Variants in COL7A1 observed in about 807,000 individuals in gnomAD.
The protein encoded by COL7A1 is collagen type VII alpha 1 chain, also known as collagen alpha-1(VII) chain.
A neutral mutation model predicts 456.2 loss-of-function variants in COL7A1; 296 were observed. That is an observed-to-expected ratio of 0.65 (90% CI 0.59 to 0.71). The LOEUF is 0.71. COL7A1 is among the 30% of genes least tolerant of loss of function. COL7A1 has a pLI of 0.00. For synonymous variants in COL7A1, 1,464 were observed against 1,525.9 expected, an observed-to-expected ratio of 0.96 and a Z score of 0.95; for missense variants, 3,441 against 4,017.2, an observed-to-expected ratio of 0.86 and a Z score of 3.88.
In COL7A1 at chr3:48,572,624, A is replaced by C. The variant is rs1262348761; in HGVS notation, c.6900+47T>G. On this transcript the variant is annotated intron_variant, in intron 88 of 118. Transcript: ENST00000681320. The surrounding 1 kb of genome is among the most constrained non-coding windows in gnomAD (Gnocchi z 4.6). ...GCATTTGGAAACAGGCTTGTGGGTG[A>C]GGCAGAGGAGTTGCTGCAGGGGGTG... 2.2e-6 allele frequency: 3 copies of C among 1,393,298 alleles called. No individual in the cohort carries two copies. Among genetic ancestry groups the C allele is most frequent in the Admixed American group, 1.9e-5 (1 of 51,810 alleles). 86.3% of individuals were successfully genotyped at this position (1,393,298 alleles called of 1,614,324 possible).
rs2107629009 is a variant in COL7A1 at position 48,565,791 on chromosome 3, CAGGAG to C, written c.8408-128_8408-124del. On this transcript the variant is annotated intron_variant, in intron 114 of 118. Coordinates refer to ENST00000681320, the MANE Select transcript of COL7A1 (RefSeq NM_000094.4). This position sits in a 1 kb window ranked among gnomAD's most constrained non-coding sequence, Gnocchi z 4.5. ...ACAAAGAGATAGCAGGAGAGGGTAA[CAGGAG>C]AGAGAGGAAGAGAGAGGGTGGGAGG... 5.3e-6 allele frequency: 5 copies of C among 946,166 alleles called. No individual in the cohort carries two copies. Among genetic ancestry groups the C allele is most frequent in the Non-Finnish European group, 8.3e-6 (5 of 599,984 alleles). 58.6% of individuals were successfully genotyped at this position (946,166 alleles called of 1,614,324 possible).
Position 48,565,485 on chromosome 3 carries a change from T to C in COL7A1, c.8452A>G (p.Ser2818Gly), listed in dbSNP as rs2043563308. 6.2e-7 allele frequency: 1 copy of C among 1,613,468 alleles called. No individual in the cohort carries two copies. The highest frequency in any genetic ancestry group is 8.5e-7 in the Non-Finnish European group (1 of 1,179,686). The change falls in exon 116 of 119, where the codon AGT becomes GGT. Residue 2818 changes from serine to glycine, a missense_variant. By Grantham distance (56) the Ser-to-Gly change is moderately conservative. Transcript: ENST00000681320. This position sits in a 1 kb window ranked among gnomAD's most constrained non-coding sequence, Gnocchi z 4.5. ...FIASGSRPLP[S>G]YAADTAGSQL... ...GAGCCGGCAGTGTCTGCAGCATAACTAGGGAGGGGTCCTGGAGCCAAGAGC... is the reference window on the plus strand; with the variant it reads ...GAGCCGGCAGTGTCTGCAGCATAACCAGGGAGGGGTCCTGGAGCCAAGAGC...
chr3:48,582,069 A>T, intron 47 of COL7A1, 126 bp from the exon 48 acceptor site: 1 of 1,408,964 alleles, frequency 7.1e-7, no homozygotes, highest in African/African-American at 1.4e-5. Context: ...GAAGTCACAG[A>T]GTCACCGCTG....
chr3:48,567,372 A>G lies in COL7A1; in HGVS notation c.8047-182T>C. On this transcript the variant is annotated intron_variant, in intron 109 of 118. Transcript: ENST00000681320. This position sits in a 1 kb window ranked among gnomAD's most constrained non-coding sequence, Gnocchi z 4.3. ...ACTATAGCCCCCTGCCCTGATGCAC[A>G]TGCCCCCTCCACCTCCCATGCTTTC... 2.3e-6 allele frequency: 2 copies of G among 869,002 alleles called. No individual in the cohort carries two copies. Among genetic ancestry groups the G allele is most frequent in the Non-Finnish European group, 3.7e-6 (2 of 546,336 alleles). The allele number at this position is 869,002 out of a possible 1,614,324, so 53.8% of individuals were successfully genotyped here.
In COL7A1 at chr3:48,591,395, G is replaced by A; in HGVS notation, c.1636+69C>T. ...CCAGGTGTGGAAGGAGAGGGCTGGA[G>A]GTACACTCAGACCCCTCAGGCTGGA... On this transcript the variant is annotated intron_variant, in intron 13 of 118. Coordinates refer to ENST00000681320, the MANE Select transcript of COL7A1 (RefSeq NM_000094.4). The surrounding 1 kb of genome is among the most constrained non-coding windows in gnomAD (Gnocchi z 7.0). The A allele has an allele frequency of 6.3e-7, 1 of 1,593,236 alleles. No homozygotes were observed. The highest frequency in any genetic ancestry group is 8.6e-7 in the Non-Finnish European group (1 of 1,166,494).
In COL7A1 at chr3:48,586,878, T is replaced by C. The variant is rs1479979979; in HGVS notation, c.3276+94A>G. ...CCTGTGAGAGAGCTGGGAGAATGCCTGAACCTATTGGGTGGTCAGGAGATG... is the reference window on the plus strand; with the variant it reads ...CCTGTGAGAGAGCTGGGAGAATGCCCGAACCTATTGGGTGGTCAGGAGATG... On this transcript the variant is annotated intron_variant, in intron 25 of 118. Coordinates refer to ENST00000681320, the MANE Select transcript of COL7A1 (RefSeq NM_000094.4). This position sits in a 1 kb window ranked among gnomAD's most constrained non-coding sequence, Gnocchi z 5.1. 6.5e-7 allele frequency: 1 copy of C among 1,542,844 alleles called. No homozygotes were observed. The highest frequency in any genetic ancestry group is 8.8e-7 in the Non-Finnish European group (1 of 1,140,774).
rs776158209 is a variant in COL7A1, at chr3:48,591,508, A to C, written c.1592T>G (p.Val531Gly). 32 of 1,613,972 alleles carry C rather than the reference A, an allele frequency of 2.0e-5. No homozygotes were observed. Among genetic ancestry groups the C allele is most frequent in the Non-Finnish European group, 2.7e-5 (32 of 1,179,982 alleles). Residue 531 changes from valine to glycine, a missense_variant, in exon 13 of 119, where the codon GTC (valine) becomes GGC (glycine). Val to Gly is a moderately radical substitution (Grantham distance 109, BLOSUM62 -3). Transcript: ENST00000681320. This position sits in a 1 kb window ranked among gnomAD's most constrained non-coding sequence, Gnocchi z 7.0. Reference sequence around the variant, plus strand: ...GATGCGGTACTGGGTGGCACCAGGGACTGGGCTCCAGGACACTCGCACCCG... The same window carrying C: ...GATGCGGTACTGGGTGGCACCAGGGCCTGGGCTCCAGGACACTCGCACCCG... Reference protein sequence around the residue: ...GQRVRVSWSPVPGATQYRIIV... With the variant: ...GQRVRVSWSPGPGATQYRIIV...
In COL7A1 at chr3:48,573,206, G is replaced by A. The variant is rs1015391349; in HGVS notation, c.6682C>T (p.Leu2228Phe). The change falls in exon 85 of 119, where the codon CTT becomes TTT. Residue 2228 changes from leucine (L) to phenylalanine (F), a missense_variant. By Grantham distance (22) the Leu-to-Phe change is conservative. Transcript: ENST00000681320. The surrounding 1 kb of genome is among the most constrained non-coding windows in gnomAD (Gnocchi z 5.5). ...GLTGPTGAVG[L>F]PGPPGPSGLV... ...CCTGAAGGGCCGGGGGGTCCAGGAA[G>A]TCCCACAGCTCCAGTAGGTCCAGTC... is the stretch of plus-strand genomic sequence containing the variant. 1 of 1,614,154 alleles carries A rather than the reference G, an allele frequency of 6.2e-7. No individual in the cohort carries two copies.
chr3:48,586,815 G>T lies in COL7A1; in HGVS notation c.3277-126C>A. The T allele has an allele frequency of 1.3e-6, 2 of 1,500,960 alleles. No homozygotes were observed. Among genetic ancestry groups the T allele is most frequent in the Non-Finnish European group, 1.8e-6 (2 of 1,106,234 alleles). The allele number at this position is 1,500,960 out of a possible 1,614,324, so 93.0% of individuals were successfully genotyped here. On this transcript the variant is annotated intron_variant, in intron 25 of 118. Transcript: ENST00000681320. This position sits in a 1 kb window ranked among gnomAD's most constrained non-coding sequence, Gnocchi z 5.1. ...TATCTATTAGGGAGTCAGCAGTGAT[G>T]GCAGGATAGGGAGCCAGGCAGTAGG...
Position 48,593,626 on chromosome 3 carries a change from T to A in COL7A1, c.337A>T (p.Lys113Ter). ...GCCCCTGTGCGAGTGTTGCCCCCCT[T>A]GTAGCTAAGCTCACGGATGGCGCGG... ...VIRAIRELSY[K>*]GGNTRTGAAI... is the part of the protein sequence containing the mutation. Residue 113 changes from lysine to a stop codon, truncating the protein, a stop_gained, in exon 4 of 119, where the codon AAG (lysine) becomes TAG (stop). Transcript: ENST00000681320. LOFTEE classifies it high-confidence loss of function. The surrounding 1 kb of genome is among the most constrained non-coding windows in gnomAD (Gnocchi z 4.4). 6.2e-7 allele frequency: 1 copy of A among 1,614,178 alleles called. No individual in the cohort carries two copies. The highest frequency in any genetic ancestry group is 1.1e-5 in the South Asian group (1 of 91,086).
At position 48,593,746 on chromosome 3, in the gene COL7A1, G is replaced by GC; in HGVS notation, c.267-51dup. On this transcript the variant is annotated intron_variant, in intron 3 of 118. Transcript: ENST00000681320. This position sits in a 1 kb window ranked among gnomAD's most constrained non-coding sequence, Gnocchi z 4.4. ...AGGCTAGGACTCAGGATCTCTTCTG[G>GC]CCCTGGCCTTGAGGAGGCCTCTAGG... 4 of 1,612,804 alleles carry GC rather than the reference G, an allele frequency of 2.5e-6. No individual in the cohort carries two copies. The highest frequency in any genetic ancestry group is 3.4e-6 in the Non-Finnish European group (4 of 1,178,878).
Position 48,568,419 on chromosome 3 carries a change from G to T in COL7A1, c.7794+80C>A. 1 of 1,437,478 alleles carries T rather than the reference G, an allele frequency of 7.0e-7. No individual in the cohort carries two copies. The highest frequency in any genetic ancestry group is 9.6e-7 in the Non-Finnish European group (1 of 1,042,892). 89.0% of individuals were successfully genotyped at this position (1,437,478 alleles called of 1,614,324 possible). Reference sequence around the variant, plus strand: ...GCACTGGGTCACTATAAGGTCAAAAGCTACCACACTGGTGGGACCACCATG... The same window carrying T: ...GCACTGGGTCACTATAAGGTCAAAATCTACCACACTGGTGGGACCACCATG... On this transcript the variant is annotated intron_variant, in intron 105 of 118. Coordinates refer to ENST00000681320, the MANE Select transcript of COL7A1 (RefSeq NM_000094.4). This position sits in a 1 kb window ranked among gnomAD's most constrained non-coding sequence, Gnocchi z 5.2.
chr3:48,590,272 G>A lies in COL7A1; in HGVS notation c.1991C>T (p.Ala664Val), dbSNP rs773316205. 6 of 1,613,976 alleles carry A rather than the reference G, an allele frequency of 3.7e-6. No homozygotes were observed. The highest frequency in any genetic ancestry group is 5.1e-6 in the Non-Finnish European group (6 of 1,179,960). The change falls in exon 16 of 119, where the codon GCT (alanine) becomes GTT (valine). Residue 664 changes from alanine to valine, a missense_variant. Around this residue, in one of 3 missense-constraint regions of COL7A1, gnomAD observed 913 missense variants for 1,088.2 expected, o/e 0.84. Transcript: ENST00000681320. The surrounding 1 kb of genome is among the most constrained non-coding windows in gnomAD (Gnocchi z 4.6). ...CTCTCTGCCTCGCAGTACCGACACA[G>A]CCACCTGGTAGGTGGTTCCAGGCTG... ...GLQPGTTYQVAVSVLRGREEG... is the reference protein window; with the variant it reads ...GLQPGTTYQVVVSVLRGREEG...
Position 48,588,109 on chromosome 3 carries a change from C to T in COL7A1, c.2711-170G>A, listed in dbSNP as rs1382924383. Among the ~76,000 whole-genome samples the T allele has an allele frequency of 1.3e-5, 2 of 152,110 alleles. No homozygotes were observed. Among genetic ancestry groups the T allele is most frequent in the Non-Finnish European group, 2.9e-5 (2 of 67,996 alleles). On this transcript the variant is annotated intron_variant, in intron 21 of 118. Coordinates refer to ENST00000681320, the MANE Select transcript of COL7A1 (RefSeq NM_000094.4). This position sits in a 1 kb window ranked among gnomAD's most constrained non-coding sequence, Gnocchi z 4.6. ...TTACGGACCCTGCCAGACTGACCCTCCATGAACTCATTGATCCCACCCACT... is the reference window on the plus strand; with the variant it reads ...TTACGGACCCTGCCAGACTGACCCTTCATGAACTCATTGATCCCACCCACT...
rs2045432038 is a variant in COL7A1 at position 48,588,308 on chromosome 3, C to T, written c.2684G>A (p.Gly895Asp). 1 of 1,612,872 alleles carries T rather than the reference C, an allele frequency of 6.2e-7. No homozygotes were observed. Among genetic ancestry groups the T allele is most frequent in the African/African-American group, 1.3e-5 (1 of 74,892 alleles). ...CTCAGGTTGCCAGTGCAGAAGGAAG[C>T]CCTGCGCTCTGGGCACCGGCTCCCA... ...LRWEPVPRAQGFLLHWQPEGG... is the reference protein window; with the variant it reads ...LRWEPVPRAQDFLLHWQPEGG... The change falls in exon 21 of 119, where the codon GGC becomes GAC. Residue 895 changes from glycine (G) to aspartate (D), a missense_variant. Transcript: ENST00000681320. This position sits in a 1 kb window ranked among gnomAD's most constrained non-coding sequence, Gnocchi z 4.6.
Position 48,574,624 on chromosome 3 carries a change from G to C in COL7A1, c.6393+53C>G. The C allele has an allele frequency of 6.2e-7, 1 of 1,613,832 alleles. No individual in the cohort carries two copies. The highest frequency in any genetic ancestry group is 8.5e-7 in the Non-Finnish European group (1 of 1,179,988). On this transcript the variant is annotated intron_variant, in intron 78 of 118. Transcript: ENST00000681320. This position sits in a 1 kb window ranked among gnomAD's most constrained non-coding sequence, Gnocchi z 5.0. ...CAGGTGCATATGCACACCACCTCTA[G>C]TGTGCCCCCAGAAAGGAGGGGGACT...
chr3:48,578,195 T>A lies in COL7A1; in HGVS notation c.5532+126A>T, dbSNP rs1939666241. 2 of 1,081,134 alleles carry A rather than the reference T, an allele frequency of 1.8e-6. No individual in the cohort carries two copies. Among genetic ancestry groups the A allele is most frequent in the Non-Finnish European group, 2.8e-6 (2 of 719,710 alleles). The allele number at this position is 1,081,134 out of a possible 1,614,324, so 67.0% of individuals were successfully genotyped here. On this transcript the variant is annotated intron_variant, in intron 65 of 118. Transcript: ENST00000681320. The surrounding 1 kb of genome is among the most constrained non-coding windows in gnomAD (Gnocchi z 4.7). ...AAAAAAAACTATGTTTCTGGATGCA[T>A]CTGTATGTCTGGGCCAGGATGCATG...
Position 48,590,629 on chromosome 3 carries a change from G to A in COL7A1, c.1780+44C>T. 6.2e-7 allele frequency: 1 copy of A among 1,614,016 alleles called. No homozygotes were observed. Among genetic ancestry groups the A allele is most frequent in the Non-Finnish European group, 8.5e-7 (1 of 1,180,034 alleles). Reference sequence around the variant, plus strand: ...GTCAGAAGTCAGAACCAGGACCAGAGTGAGGCAGGCAGCTGTCCTCCACAA... The same window carrying A: ...GTCAGAAGTCAGAACCAGGACCAGAATGAGGCAGGCAGCTGTCCTCCACAA... On this transcript the variant is annotated intron_variant, in intron 14 of 118. Transcript: ENST00000681320. The surrounding 1 kb of genome is among the most constrained non-coding windows in gnomAD (Gnocchi z 4.6).
In COL7A1 at chr3:48,568,438, C is replaced by T; in HGVS notation, c.7794+61G>A. 6 of 1,519,296 alleles carry T rather than the reference C, an allele frequency of 3.9e-6. No individual in the cohort carries two copies. In the South Asian group the frequency reaches 5.9e-5, roughly 15 times the overall value. The allele number at this position is 1,519,296 out of a possible 1,614,324, so 94.1% of individuals were successfully genotyped here. The stretch of plus-strand genomic sequence containing the variant: ...TCAAAAGCTACCACACTGGTGGGAC[C>T]ACCATGGTGACGGGGGCCCTCTGGG... On this transcript the variant is annotated intron_variant, in intron 105 of 118. Coordinates refer to ENST00000681320, the MANE Select transcript of COL7A1 (RefSeq NM_000094.4). This position sits in a 1 kb window ranked among gnomAD's most constrained non-coding sequence, Gnocchi z 5.2.
Sources: gnomAD v4.1 joint callset for allele counts (sites outside exome capture counted in the v4.1 genomes callset) on GRCh38, gnomAD v4.1.1 for gene constraint, gnomAD v4.1.1 regional missense constraint, Gnocchi (gnomAD v3.1) non-coding constraint, MANE v1.5 for transcripts, NCBI Gene and HGNC (gene_info 2026-07-23, HGNC 2026-07-21) for gene names.